Variants in PPP2R2D observed in about 807,000 individuals in gnomAD.
PPP2R2D encodes protein phosphatase 2 regulatory subunit Bdelta.
Under a neutral mutation model 31.1 loss-of-function variants are expected in PPP2R2D, and 9 were observed. The ratio of observed to expected loss-of-function variants is 0.29; its 90% CI spans 0.17 to 0.51. The LOEUF (loss-of-function observed/expected upper bound fraction) is 0.51. Ranked by LOEUF, PPP2R2D falls within the 20% of genes least tolerant of loss-of-function variation. The pLI is 0.98. For missense variants in PPP2R2D, 391 were observed against 465.6 expected, an observed-to-expected ratio of 0.84 and a Z score of 1.48; for synonymous variants, 179 against 172.6, an observed-to-expected ratio of 1.04 and a Z score of -0.29.
chr10:131,947,132 G>A lies in PPP2R2D; in HGVS notation c.821-398G>A, dbSNP rs539146416. On this transcript the variant is annotated intron_variant, in intron 7 of 8. Transcript: ENST00000455566. The surrounding 1 kb of genome is among the most constrained non-coding windows in gnomAD (Gnocchi z 4.3). ...GTATGCGATAGAATTTCACGTGCTC[G>A]GGCCTGGTGCCATGAGGACGCGGAG... Among the ~76,000 whole-genome samples the A allele has an allele frequency of 1.3e-5, 2 of 152,250 alleles. No individual in the cohort carries two copies. The highest frequency in any genetic ancestry group is 4.2e-4 in the South Asian group (2 of 4,816).
intron 2 of PPP2R2D, among the ~76,000 whole-genome samples, chr10:131,911,034 G>A (rs1040339294): frequency 5.3e-5 from 8 of 152,118 alleles, no homozygotes; most frequent in South Asian, 2.1e-4. Flanking sequence ...ATAATAAACC[G>A]CTAAACTAAA....
chr10:131,905,707 C>T (rs2035570767), intron 2 of PPP2R2D, among the ~76,000 whole-genome samples: 4 of 152,166 alleles, frequency 2.6e-5, no homozygotes, highest in Admixed American at 2.6e-4. Flanking sequence ...GGCGTGGGAG[C>T]AATTAACCTG....
Position 131,901,042 on chromosome 10 carries a change from C to CGGCGCCGGCGGT in PPP2R2D, c.-104_-93dup, listed in dbSNP as rs1305503614. On this transcript the variant is annotated 5_prime_UTR_variant, in exon 1 of 9. Coordinates refer to ENST00000455566, the MANE Select transcript of PPP2R2D (RefSeq NM_018461.5). ...TCCCCGGCGGCGGCGGCGGCGGCGG[C>CGGCGCCGGCGGT]GGCGCCGGCGGTGGTGGCGGCCCCG... is the stretch of plus-strand genomic sequence containing the variant. 6.2e-6 allele frequency: 1 copy of CGGCGCCGGCGGT among 160,456 alleles called. No individual in the cohort carries two copies. Among genetic ancestry groups the CGGCGCCGGCGGT allele is most frequent in the African/African-American group, 2.4e-5 (1 of 41,044 alleles). The allele number at this position is 160,456 out of a possible 1,614,324, so 9.9% of individuals were successfully genotyped here.
chr10:131,908,043 A>C (rs985679443), intron 2 of PPP2R2D, among the ~76,000 whole-genome samples: 6 of 152,222 alleles, frequency 3.9e-5, no homozygotes, highest in Non-Finnish European at 7.3e-5. Flanking sequence ...AACAATGTGC[A>C]GTGCTGTTGC....
In PPP2R2D at chr10:131,956,469, TCACC is replaced by T; in HGVS notation, c.*510_*513del. Reference sequence around the variant, plus strand: ...CCCGAGCAGGCTCAGGCGGCCCCACTCACCCACAGCATCCGCCGCCACCCCTTCG... The same window carrying T: ...CCCGAGCAGGCTCAGGCGGCCCCACTCACAGCATCCGCCGCCACCCCTTCG... On this transcript the variant is annotated 3_prime_UTR_variant, in exon 9 of 9. Coordinates refer to ENST00000455566, the MANE Select transcript of PPP2R2D (RefSeq NM_018461.5). 1 of 985,542 alleles carries T rather than the reference TCACC, an allele frequency of 1.0e-6. No individual in the cohort carries two copies. Among genetic ancestry groups the T allele is most frequent in the Non-Finnish European group, 1.2e-6 (1 of 830,066 alleles). 61.0% of individuals were successfully genotyped at this position (985,542 alleles called of 1,614,324 possible). A position where few individuals can be genotyped will look rare whatever the true frequency, so the allele number is the denominator to read the frequency against.
Position 131,944,162 on chromosome 10 carries a change from G to C in PPP2R2D, c.655+17G>C, listed in dbSNP as rs2036493432. 1 of 1,594,702 alleles carries C rather than the reference G, an allele frequency of 6.3e-7. No individual in the cohort carries two copies. The highest frequency in any genetic ancestry group is 1.8e-5 in the Admixed American group (1 of 56,198). ...GAAGCTTTAGTATCCTTCCTCAGAG[G>C]GACACTGGCGTCTTCCCGAGGGTGC... On this transcript the variant is annotated intron_variant, in intron 6 of 8. Transcript: ENST00000455566.
Position 131,923,482 on chromosome 10 carries a change from T to C in PPP2R2D, c.101-10976T>C, listed in dbSNP as rs577579663. On this transcript the variant is annotated intron_variant, in intron 2 of 8. Transcript: ENST00000455566. ...GTATATTCCTGGGAATGGAGCTTGG[T>C]CATATGGCAACTGTGTTTAATGTAT... Among the ~76,000 whole-genome samples the C allele has an allele frequency of 5.9e-5, 9 of 152,324 alleles. No individual in the cohort carries two copies. In the South Asian group the frequency reaches 1.9e-3, roughly 32 times the overall value.
intron 2 of PPP2R2D, among the ~76,000 whole-genome samples, chr10:131,921,916 A>C (rs552300885): frequency 6.6e-6 from 1 of 152,316 alleles, no homozygotes; most frequent in East Asian, 1.9e-4. Context: ...CAGTTTGCTT[A>C]ATATGTTTGA....
rs782284701 is a variant in PPP2R2D at position 131,940,126 on chromosome 10, T to C, written c.294T>C (p.Ile98=). 15 of 778,470 alleles carry C rather than the reference T, an allele frequency of 1.9e-5. No homozygotes were observed. The South Asian group carries it at 2.0e-4, about 10-fold the overall frequency. The allele number at this position is 778,470 out of a possible 1,614,324, so 48.2% of individuals were successfully genotyped here. ...PEFDYLKSLE[I]EEKINKIRWL... ...TTGACTATTTGAAAAGTCTAGAAATTGAGGAAAAAATTAATAAAATTAGGT... is the reference window on the plus strand; with the variant it reads ...TTGACTATTTGAAAAGTCTAGAAATCGAGGAAAAAATTAATAAAATTAGGT... The change falls in exon 4 of 9, where the codon ATT becomes ATC. Residue 98 remains isoleucine, a synonymous_variant. Transcript: ENST00000455566.
chr10:131,915,110 A>G (rs782794555), intron 2 of PPP2R2D, among the ~76,000 whole-genome samples: 19 of 151,624 alleles, frequency 1.3e-4, no homozygotes, highest in Non-Finnish European at 2.1e-4. Context: ...TAATTTCAAT[A>G]GTTCTGTTCC....
At chr10:131,951,512 C>T (rs751884201) in intron 8 of PPP2R2D, among the ~76,000 whole-genome samples, 12 of 152,182 alleles carry the variant, frequency 7.9e-5, no homozygotes, top group African/African-American at 1.9e-4. Flanking sequence ...ACATACAAGA[C>T]GGTTTTGTTT....
At chr10:131,941,875 C>G (rs1554897299) in intron 5 of PPP2R2D, among the ~76,000 whole-genome samples, 2 of 152,156 alleles carry the variant, frequency 1.3e-5, no homozygotes, top group Non-Finnish European at 2.9e-5. Flanking sequence ...TTCATCAAAG[C>G]GAGAAAGGCT....
rs879985839 is a variant in PPP2R2D at position 131,940,470 on chromosome 10, T to C, written c.365-112T>C. 6 of 626,452 alleles carry C rather than the reference T, an allele frequency of 9.6e-6. No individual in the cohort carries two copies. In the Admixed American group the frequency reaches 1.7e-4, roughly 18 times the overall value. 38.8% of individuals were successfully genotyped at this position (626,452 alleles called of 1,614,324 possible). A position where few individuals can be genotyped will look rare whatever the true frequency, so the allele number is the denominator to read the frequency against. On this transcript the variant is annotated intron_variant, in intron 4 of 8. Transcript: ENST00000455566. The stretch of plus-strand genomic sequence containing the variant: ...GAAATATTCATGTTCAGAGACCCCA[T>C]AGCTTATAACCCAATATAGGACCAC...
intron 5 of PPP2R2D, among the ~76,000 whole-genome samples, chr10:131,941,929 C>T (rs1254968552): frequency 6.6e-6 from 1 of 152,186 alleles, no homozygotes; most frequent in East Asian, 1.9e-4. Flanking sequence ...CTAATTTGAA[C>T]CAAGATGTTT....
At chr10:131,965,025 C>CT in the PPP2R2D span, among the ~76,000 whole-genome samples, 1 of 152,128 alleles carries the variant, frequency 6.6e-6, no homozygotes, top group Non-Finnish European at 1.5e-5. Context: ...TTTTTCTTAG[C>CT]TTTTTTCACA....
chr10:131,918,834 G>A (rs2035892143), intron 2 of PPP2R2D, among the ~76,000 whole-genome samples: 1 of 148,042 alleles, frequency 6.8e-6, no homozygotes, highest in South Asian at 2.2e-4. Context: ...ACCTCACGGG[G>A]GTGGAATGAC....
chr10:131,925,501 C>T (rs11591860), intron 2 of PPP2R2D, among the ~76,000 whole-genome samples: 11 of 152,076 alleles, frequency 7.2e-5, no homozygotes, highest in Admixed American at 1.3e-4. Flanking sequence ...TGGTATACTT[C>T]TCATATTTCA....
At chr10:131,928,436 T>G (rs1233851414) in intron 2 of PPP2R2D, among the ~76,000 whole-genome samples, 1 of 152,246 alleles carries the variant, frequency 6.6e-6, no homozygotes, top group African/African-American at 2.4e-5. Flanking sequence ...TCCCTTTTGT[T>G]TTGACAATGA....
At chr10:131,915,286 G>A (rs1411913897) in intron 2 of PPP2R2D, among the ~76,000 whole-genome samples, 1 of 152,066 alleles carries the variant, frequency 6.6e-6, no homozygotes, top group Non-Finnish European at 1.5e-5. Flanking sequence ...AACGTTCCTG[G>A]CTTTCGTAGG....
Sources: gnomAD v4.1 joint callset for allele counts (sites outside exome capture counted in the v4.1 genomes callset) on GRCh38, gnomAD v4.1.1 for gene constraint, Gnocchi (gnomAD v3.1) non-coding constraint, MANE v1.5 for transcripts, NCBI Gene and HGNC (gene_info 2026-07-23, HGNC 2026-07-21) for gene names.